Variants in KIF3A observed in about 807,000 individuals in gnomAD.
KIF3A encodes the protein kinesin family member 3A, also known as kinesin-like protein KIF3A.
In KIF3A, 27 loss-of-function variants were observed where a neutral mutation model predicts 92.6. The observed-to-expected ratio is 0.29, with a 90% CI of 0.21 to 0.40. The LOEUF (loss-of-function observed/expected upper bound fraction) is 0.40. Among genes scored for constraint, KIF3A ranks in the 10% least tolerant of loss-of-function variants. The probability of loss-of-function intolerance (pLI) is 1.00; values close to 1 mark genes in which losing one functional copy is unlikely to be tolerated. For synonymous variants in KIF3A, 250 were observed against 275.4 expected, an observed-to-expected ratio of 0.91 and a Z score of 0.92; for missense variants, 581 against 872.6, an observed-to-expected ratio of 0.67 and a Z score of 4.21.
intron 4 of KIF3A, among the ~76,000 whole-genome samples, chr5:132,725,643 G>C (rs1290994346): frequency 6.6e-6 from 1 of 152,040 alleles, no homozygotes; most frequent in Non-Finnish European, 1.5e-5. Context: ...CGAACTGCTG[G>C]GAAGATTAAA....
intron 12 of KIF3A, 152 bp downstream of exon 12, chr5:132,703,311 T>C: frequency 2.9e-6 from 2 of 680,270 alleles, no homozygotes; most frequent in East Asian, 2.8e-5. Flanking sequence ...TTTTTAGAAA[T>C]ACACTATATA....
chr5:132,702,448 T>G (rs541952532), intron 14 of KIF3A, 110 bp downstream of exon 14: 1 of 711,196 alleles, frequency 1.4e-6, no homozygotes, highest in East Asian at 2.8e-5. Flanking sequence ...AATATTTTAT[T>G]TCTTTTAAAT....
chr5:132,702,344 G>C, intron 14 of KIF3A, 132 bp from the exon 15 acceptor site: 1 of 845,888 alleles, frequency 1.2e-6, no homozygotes, highest in Non-Finnish European at 1.8e-6. Flanking sequence ...ATGATAAACA[G>C]CGTGACACTA....
chr5:132,707,312 T>C (rs541869392), intron 10 of KIF3A, among the ~76,000 whole-genome samples: 1 of 152,072 alleles, frequency 6.6e-6, no homozygotes, highest in Non-Finnish European at 1.5e-5. Context: ...TTGAGATATT[T>C]AAAAGGGAAG....
In KIF3A at chr5:132,726,168, ACTT is replaced by A; in HGVS notation, c.467_469del (p.Glu156del). ...CTGATCCTTGCCCAAAAGGTCACGAACTTCTTCATTATATATTTCCAAATAAGA... is the reference window on the plus strand; with the variant it reads ...CTGATCCTTGCCCAAAAGGTCACGAACTTCATTATATATTTCCAAATAAGA... On this transcript the variant is annotated inframe_deletion, in exon 4 of 19. Transcript: ENST00000403231. 6.2e-7 allele frequency: 1 copy of A among 1,612,166 alleles called. No individual in the cohort carries two copies. The highest frequency in any genetic ancestry group is 8.5e-7 in the Non-Finnish European group (1 of 1,179,200).
At chr5:132,726,622 A>C (rs1328299663) in intron 2 of KIF3A, 124 bp from the exon 3 acceptor site, 1 of 817,036 alleles carries the variant, frequency 1.2e-6, no homozygotes, top group Non-Finnish European at 2.0e-6. Flanking sequence ...TTATTCTAGC[A>C]CAAGTTTCAC....
At chr5:132,708,852 C>T in intron 10 of KIF3A, 55 bp downstream of exon 10, 1 of 1,200,550 alleles carries the variant, frequency 8.3e-7, no homozygotes, top group Non-Finnish European at 1.2e-6. Flanking sequence ...AAATGAAGCC[C>T]ATGGGTTATG....
At chr5:132,718,332 C>A (rs767721840) in intron 5 of KIF3A, among the ~76,000 whole-genome samples, 19 of 152,166 alleles carry the variant, frequency 1.2e-4, no homozygotes, top group Non-Finnish European at 2.4e-4. Flanking sequence ...TTGTTTGAGA[C>A]AGGGTCTCCC....
intron 10 of KIF3A, among the ~76,000 whole-genome samples, chr5:132,707,704 T>C (rs1287984831): frequency 1.3e-5 from 2 of 152,188 alleles, no homozygotes; most frequent in Non-Finnish European, 2.9e-5. Context: ...GAATTATTCT[T>C]CTAGAAAGCT....
rs940747476 is a variant in KIF3A, at chr5:132,716,322, T to G, written c.877A>C (p.Thr293Pro). 36 of 1,613,808 alleles carry G rather than the reference T, an allele frequency of 2.2e-5. No individual in the cohort carries two copies. Among genetic ancestry groups the G allele is most frequent in the Non-Finnish European group, 3.0e-5 (35 of 1,179,898 alleles). ...TTAGAGTTACGATAAGGCACATGAG[T>G]GCTTTTTCCATCAACCAAGGCAGAA... ...VISALVDGKS[T>P]HVPYRNSKLT... The change falls in exon 7 of 19, where the codon ACT (threonine) becomes CCT (proline). Residue 293 changes from threonine to proline, a missense_variant. Around this residue, in one of 5 missense-constraint regions of KIF3A, gnomAD observed 40 missense variants for 107.0 expected, o/e 0.37. Coordinates refer to ENST00000403231, the MANE Select transcript of KIF3A (RefSeq NM_001300791.2).
intron 12 of KIF3A, 107 bp from the exon 13 acceptor site, chr5:132,703,172 T>C: frequency 1.0e-6 from 1 of 964,102 alleles, no homozygotes; most frequent in Middle Eastern, 2.1e-4. Flanking sequence ...AATAGAAATA[T>C]AATTATGTAA....
At chr5:132,736,821 G>T (rs1266171219) in intron 1 of KIF3A, 2 of 439,352 alleles carry the variant, frequency 4.6e-6, no homozygotes, top group Non-Finnish European at 9.2e-6. Context: ...GTCTTAGAAG[G>T]CCCCATTATT....
intron 6 of KIF3A, 120 bp from the exon 7 acceptor site, chr5:132,716,562 T>C: frequency 1.2e-6 from 1 of 821,572 alleles, no homozygotes; most frequent in African/African-American, 1.7e-5. Flanking sequence ...CTGAATTCAC[T>C]TCAAAATAAT....
chr5:132,704,737 CAGA>C (rs745570269), intron 11 of KIF3A, among the ~76,000 whole-genome samples: 1 of 151,848 alleles, frequency 6.6e-6, no homozygotes, highest in Admixed American at 6.6e-5. Context: ...CAAAGAACTA[CAGA>C]AGAAGAGTGT....
chr5:132,719,076 G>A (rs935197971), intron 5 of KIF3A, among the ~76,000 whole-genome samples: 6 of 152,120 alleles, frequency 3.9e-5, no homozygotes, highest in African/African-American at 1.4e-4. Context: ...AGAGTCAAAA[G>A]GAATGTATTT....
chr5:132,721,885 T>C (rs937193975), intron 4 of KIF3A, among the ~76,000 whole-genome samples: 14 of 152,312 alleles, frequency 9.2e-5, no homozygotes, highest in African/African-American at 3.1e-4. Context: ...ATTTTACACA[T>C]TGAGCTTCCA....
intron 1 of KIF3A, among the ~76,000 whole-genome samples, chr5:132,736,371 A>G (rs1754388707): frequency 6.6e-6 from 1 of 152,244 alleles, no homozygotes; most frequent in South Asian, 2.1e-4. Flanking sequence ...ACATGGCAAT[A>G]CATTCCAATT....
chr5:132,717,572 C>T (rs1561703174), intron 5 of KIF3A, among the ~76,000 whole-genome samples: 1 of 150,516 alleles, frequency 6.6e-6, no homozygotes, highest in East Asian at 2.0e-4. Flanking sequence ...GAAAAATGTC[C>T]ATAACATATA....
At chr5:132,730,475 A>G (rs200483684) in intron 2 of KIF3A, among the ~76,000 whole-genome samples, 1 of 71,530 alleles carries the variant, frequency 1.4e-5, no homozygotes, top group Non-Finnish European at 2.2e-5. Flanking sequence ...TCAAAAAAAG[A>G]AAAAAAAAAA....
Sources: gnomAD v4.1 joint callset for allele counts (sites outside exome capture counted in the v4.1 genomes callset) on GRCh38, gnomAD v4.1.1 for gene constraint, gnomAD v4.1.1 regional missense constraint, MANE v1.5 for transcripts, NCBI Gene and HGNC (gene_info 2026-07-23, HGNC 2026-07-21) for gene names.